FSTL4: variants seen among roughly 807,000 people sequenced by gnomAD.
The protein encoded by FSTL4 is follistatin like 4, also known as follistatin-related protein 4.
A neutral mutation model predicts 78.2 loss-of-function variants in FSTL4; 28 were observed. That is an observed-to-expected ratio of 0.36 (90% CI 0.27 to 0.49). The LOEUF (loss-of-function observed/expected upper bound fraction) is 0.49, where lower values mean the gene tolerates loss of function less well. FSTL4 is among the 20% of genes least tolerant of loss of function. FSTL4 has a pLI of 0.98. For missense variants in FSTL4, 922 were observed against 1,084.9 expected, an observed-to-expected ratio of 0.85 and a Z score of 2.11; for synonymous variants, 422 against 440.5, an observed-to-expected ratio of 0.96 and a Z score of 0.53.
intron 3 of FSTL4, among the ~76,000 whole-genome samples, chr5:133,533,164 T>C (rs1759289619): frequency 6.6e-6 from 1 of 152,192 alleles, no homozygotes; most frequent in Admixed American, 6.5e-5. Context: ...CTACATGATG[T>C]AGATTTTAGC....
chr5:133,375,313 A>T (rs182825915), intron 4 of FSTL4, among the ~76,000 whole-genome samples: 494 of 31,016 alleles, frequency 0.016, 18 homozygotes, highest in African/African-American at 0.028. Context: ...TATATATATA[A>T]AAGACTCTAA....
chr5:133,372,058 C>T (rs551010940), intron 4 of FSTL4, among the ~76,000 whole-genome samples: 1 of 152,312 alleles, frequency 6.6e-6, no homozygotes, highest in Non-Finnish European at 1.5e-5. Context: ...GCCTCCCTGT[C>T]ACCCACCCAC....
At chr5:133,655,700 T>C in the FSTL4 span, among the ~76,000 whole-genome samples, 15 of 152,132 alleles carry the variant, frequency 9.9e-5, no homozygotes, top group African/African-American at 3.4e-4. Flanking sequence ...TAGTAATATT[T>C]TCAGTGGGAA....
At chr5:133,296,285 C>T (rs188765292) in intron 6 of FSTL4, among the ~76,000 whole-genome samples, 1 of 152,358 alleles carries the variant, frequency 6.6e-6, no homozygotes, top group East Asian at 1.9e-4. Context: ...CCATCGTGCC[C>T]ATTAGCTGAA....
chr5:133,214,925 C>T (rs1433970967), intron 13 of FSTL4, among the ~76,000 whole-genome samples: 1 of 152,184 alleles, frequency 6.6e-6, no homozygotes, highest in African/African-American at 2.4e-5. Flanking sequence ...CATTTCTTTA[C>T]ATTTACTCAC....
the FSTL4 span, among the ~76,000 whole-genome samples, chr5:133,712,245 C>T: frequency 6.6e-6 from 1 of 152,212 alleles, no homozygotes; most frequent in Non-Finnish European, 1.5e-5. Flanking sequence ...CAACTCCAGA[C>T]AGGCTCTTGT....
chr5:133,808,881 A>G, the FSTL4 span, among the ~76,000 whole-genome samples: 1 of 41,160 alleles, frequency 2.4e-5, no homozygotes, highest in African/African-American at 9.6e-5. Flanking sequence ...GCCCCCGCAC[A>G]CAAACAAAAC....
At chr5:133,786,576 G>A in the FSTL4 span, among the ~76,000 whole-genome samples, 8 of 152,316 alleles carry the variant, frequency 5.3e-5, no homozygotes, top group South Asian at 2.1e-4. Context: ...AGGCCCGATC[G>A]GTCAAACAAG....
chr5:133,535,236 A>G (rs1158046974), intron 3 of FSTL4, among the ~76,000 whole-genome samples: 1 of 152,158 alleles, frequency 6.6e-6, no homozygotes, highest in East Asian at 1.9e-4. Context: ...AACTGTGAGA[A>G]CTGTTGGGAG....
chr5:133,519,533 T>C (rs1758932311), intron 3 of FSTL4, among the ~76,000 whole-genome samples: 1 of 152,292 alleles, frequency 6.6e-6, no homozygotes, highest in Non-Finnish European at 1.5e-5. Context: ...AGCAGCAACA[T>C]AAAGGAAAGC....
the FSTL4 span, among the ~76,000 whole-genome samples, chr5:133,805,652 G>A: frequency 1.3e-5 from 2 of 152,340 alleles, no homozygotes; most frequent in Admixed American, 1.3e-4. Flanking sequence ...CACTGTGGGA[G>A]AAGAATTTTT....
chr5:133,418,741 C>T (rs1466170280), intron 3 of FSTL4, among the ~76,000 whole-genome samples: 1 of 152,156 alleles, frequency 6.6e-6, no homozygotes, highest in Non-Finnish European at 1.5e-5. Flanking sequence ...TTTAAGGACA[C>T]ACCTTCATTG....
the FSTL4 span, among the ~76,000 whole-genome samples, chr5:133,718,810 T>A: frequency 1.3e-5 from 2 of 152,236 alleles, no homozygotes; most frequent in Non-Finnish European, 2.9e-5. Flanking sequence ...GACTTGATTA[T>A]TACCTCCTAT....
chr5:133,377,450 G>A (rs1043204682), intron 4 of FSTL4, among the ~76,000 whole-genome samples: 1 of 152,226 alleles, frequency 6.6e-6, no homozygotes, highest in Non-Finnish European at 1.5e-5. Context: ...CATTAAAATG[G>A]AGAGCTCTGA....
chr5:133,775,841 C>T, the FSTL4 span, among the ~76,000 whole-genome samples: 1 of 152,102 alleles, frequency 6.6e-6, no homozygotes. Flanking sequence ...TATTACAATC[C>T]CACTCAAGGG....
Position 133,199,608 on chromosome 5 carries a change from C to T in FSTL4, c.2016G>A (p.Leu672=), listed in dbSNP as rs1463452502. 1.7e-5 allele frequency: 27 copies of T among 1,614,038 alleles called. No homozygotes were observed. The highest frequency in any genetic ancestry group is 2.3e-5 in the Non-Finnish European group (27 of 1,180,038). ...QDSPASAARQ[L]LVDSVTDSVL... is the part of the protein sequence containing the mutation. Reference sequence around the variant, plus strand: ...CAGAGTCTGTGACACTGTCAACGAGCAGCTGTCGGGCAGCAGAGGCGGGGC... The same window carrying T: ...CAGAGTCTGTGACACTGTCAACGAGTAGCTGTCGGGCAGCAGAGGCGGGGC... The change falls in exon 16 of 16, where the codon CTG becomes CTA. Residue 672 remains leucine (L), a synonymous_variant. Transcript: ENST00000265342. This position sits in a 1 kb window ranked among gnomAD's most constrained non-coding sequence, Gnocchi z 4.4.
the FSTL4 span, among the ~76,000 whole-genome samples, chr5:133,643,723 AGTGTGTT>A: frequency 5.9e-5 from 9 of 152,338 alleles, no homozygotes; most frequent in East Asian, 1.7e-3. Flanking sequence ...CCGATGATGT[AGTGTGTT>A]GTGAGCAAGA....
the FSTL4 span, among the ~76,000 whole-genome samples, chr5:133,750,875 C>G: frequency 2.0e-5 from 3 of 152,164 alleles, no homozygotes; most frequent in Admixed American, 6.5e-5. Flanking sequence ...CTGATCTATG[C>G]TGACCAAGGT....
At chr5:133,822,353 C>T in the FSTL4 span, among the ~76,000 whole-genome samples, 4 of 152,200 alleles carry the variant, frequency 2.6e-5, no homozygotes, top group Non-Finnish European at 5.9e-5. Context: ...TGCAAATAAT[C>T]TGAGCAGAGG....
Sources: gnomAD v4.1 joint callset for allele counts (sites outside exome capture counted in the v4.1 genomes callset) on GRCh38, gnomAD v4.1.1 for gene constraint, Gnocchi (gnomAD v3.1) non-coding constraint, MANE v1.5 for transcripts, NCBI Gene and HGNC (gene_info 2026-07-23, HGNC 2026-07-21) for gene names.